The following RAB27B variants were observed in gnomAD, a reference collection of about 807,000 sequenced individuals.
RAB27B encodes the protein RAB27B, member RAS oncogene family.
In RAB27B, 15 loss-of-function variants were observed where a neutral mutation model predicts 24.6. The observed-to-expected ratio is 0.61, with a 90% CI of 0.41 to 0.94. The LOEUF is 0.94. Among genes scored for constraint, RAB27B ranks in the 40% least tolerant of loss-of-function variants. The pLI is 0.00. For synonymous variants in RAB27B, 105 were observed against 92.5 expected (o/e 1.14, Z -0.78); for missense variants, 261 against 266.8 (o/e 0.98, Z 0.15).
chr18:54,796,499 G>A (rs1438368314), intron 2 of RAB27B, among the ~76,000 whole-genome samples: 3 of 152,122 alleles, frequency 2.0e-5, no homozygotes, highest in Non-Finnish European at 4.4e-5. Flanking sequence ...GAGATGGGTG[G>A]GGAGCCAGAA....
intron 1 of RAB27B, among the ~76,000 whole-genome samples, chr18:54,866,154 C>T (rs889710254): frequency 5.3e-5 from 8 of 152,130 alleles, no homozygotes; most frequent in Middle Eastern, 3.4e-3. Context: ...AATTAGGGTT[C>T]CAATCCCAGA....
chr18:54,749,083 G>C (rs1436670380), intron 2 of RAB27B, among the ~76,000 whole-genome samples: 6 of 152,170 alleles, frequency 3.9e-5, no homozygotes. Context: ...GTCTGGGCAT[G>C]GTGATGACTC....
chr18:54,754,176 C>T (rs1254144498), intron 2 of RAB27B, among the ~76,000 whole-genome samples: 1 of 152,092 alleles, frequency 6.6e-6, no homozygotes, highest in African/African-American at 2.4e-5. Context: ...ACGCTGTTCT[C>T]GTGATAGGGA....
At chr18:54,887,911 A>C (rs1913209801) in intron 4 of RAB27B, 84 bp from the exon 5 acceptor site, 3 of 1,481,512 alleles carry the variant, frequency 2.0e-6, no homozygotes, top group Non-Finnish European at 2.7e-6. Flanking sequence ...ATAAGCAATT[A>C]GATCAGGAAT....
chr18:54,722,449 C>T (rs545228859), intron 2 of RAB27B, among the ~76,000 whole-genome samples: 12 of 152,248 alleles, frequency 7.9e-5, no homozygotes, highest in East Asian at 1.9e-4. Flanking sequence ...ACTACATCCA[C>T]GGAGGTTAGA....
At chr18:54,749,718 A>G (rs1420039867) in intron 2 of RAB27B, among the ~76,000 whole-genome samples, 6 of 152,230 alleles carry the variant, frequency 3.9e-5, no homozygotes. Context: ...TACAATTATT[A>G]GCGACTTATC....
At chr18:54,743,727 A>G (rs1394495094) in intron 2 of RAB27B, among the ~76,000 whole-genome samples, 3 of 152,194 alleles carry the variant, frequency 2.0e-5, no homozygotes, top group Admixed American at 6.5e-5. Context: ...CAGATACACA[A>G]CAAAGAGCCA....
chr18:54,824,554 C>G (rs1910412892), upstream of RAB27B, among the ~76,000 whole-genome samples: 1 of 152,206 alleles, frequency 6.6e-6, no homozygotes, highest in African/African-American at 2.4e-5. Flanking sequence ...TGGTTCTTCG[C>G]ATCTGCGCAC....
intron 1 of RAB27B, among the ~76,000 whole-genome samples, chr18:54,857,581 G>A (rs1911835334): frequency 6.6e-6 from 1 of 152,200 alleles, no homozygotes; most frequent in Non-Finnish European, 1.5e-5. Context: ...ACATGATCAG[G>A]TTAAATAGAA....
At chr18:54,737,906 A>G (rs1270777514) in intron 2 of RAB27B, among the ~76,000 whole-genome samples, 3 of 152,212 alleles carry the variant, frequency 2.0e-5, no homozygotes, top group Non-Finnish European at 4.4e-5. Flanking sequence ...AGCCATAAAA[A>G]GAGGTGTCAG....
At chr18:54,797,712 G>T (rs962063592) in intron 2 of RAB27B, among the ~76,000 whole-genome samples, 1 of 152,110 alleles carries the variant, frequency 6.6e-6, no homozygotes, top group African/African-American at 2.4e-5. Flanking sequence ...GGTCTACTGG[G>T]TCTAACCTTG....
At chr18:54,887,963 A>G (rs748430230) in intron 4 of RAB27B, 32 bp from the exon 5 acceptor site, 112 of 1,601,914 alleles carry the variant, frequency 7.0e-5, no homozygotes, top group Non-Finnish European at 9.2e-5. Flanking sequence ...ATTTATCAAT[A>G]ACTTGCTGGT....
intron 2 of RAB27B, among the ~76,000 whole-genome samples, chr18:54,724,088 C>T (rs1006380160): frequency 6.9e-6 from 1 of 144,286 alleles, no homozygotes; most frequent in Admixed American, 6.9e-5. Flanking sequence ...TGAGGAGTAT[C>T]ACGTGTGTAA....
At chr18:54,774,904 A>G (rs763133689) in intron 2 of RAB27B, among the ~76,000 whole-genome samples, 1 of 152,146 alleles carries the variant, frequency 6.6e-6, no homozygotes, top group African/African-American at 2.4e-5. Context: ...TGTTTTGTTC[A>G]CTGCTGCATC....
At chr18:54,775,587 T>C (rs189129857) in intron 2 of RAB27B, among the ~76,000 whole-genome samples, 131 of 152,290 alleles carry the variant, frequency 8.6e-4, no homozygotes, top group Non-Finnish European at 1.4e-3. Context: ...CCAGAATAAA[T>C]ATCTGCTGCA....
chr18:54,768,134 C>T (rs1908424321), intron 2 of RAB27B, among the ~76,000 whole-genome samples: 3 of 151,576 alleles, frequency 2.0e-5, no homozygotes, highest in African/African-American at 4.9e-5. Flanking sequence ...AACTTGGGCT[C>T]GAATTTGTGG....
At chr18:54,854,043 A>G (rs1278462301) in intron 1 of RAB27B, among the ~76,000 whole-genome samples, 1 of 152,162 alleles carries the variant, frequency 6.6e-6, no homozygotes, top group Admixed American at 6.6e-5. Context: ...CTTTAGTTTT[A>G]GGGATTAGTG....
chr18:54,812,630 A>G (rs1326577811), intron 2 of RAB27B, among the ~76,000 whole-genome samples: 1 of 151,224 alleles, frequency 6.6e-6, no homozygotes, highest in African/African-American at 2.4e-5. Flanking sequence ...TGTTCCATGG[A>G]AGAGAGTTTG....
chr18:54,760,097 T>C (rs1430992266), intron 2 of RAB27B, among the ~76,000 whole-genome samples: 1 of 152,164 alleles, frequency 6.6e-6, no homozygotes, highest in East Asian at 1.9e-4. Flanking sequence ...TCTGGGACTC[T>C]GGAGGTTGTG....
Sources: allele counts gnomAD v4.1 joint callset (sites outside exome capture counted in the v4.1 genomes callset), GRCh38; gene constraint gnomAD v4.1.1; transcripts MANE v1.5; gene names NCBI Gene and HGNC (gene_info 2026-07-23, HGNC 2026-07-21).